Variants in CNGA1 observed in about 807,000 individuals in gnomAD.
The protein encoded by CNGA1 is cyclic nucleotide-gated channel alpha-1.
Under a neutral mutation model 69.7 loss-of-function variants are expected in CNGA1, and 53 were observed. The observed-to-expected ratio is 0.76, with a 90% CI of 0.61 to 0.96. CNGA1 has a LOEUF of 0.96. Ranked by LOEUF, CNGA1 falls within the 40% of genes least tolerant of loss-of-function variation. CNGA1 has a pLI of 0.00. For missense variants in CNGA1, 739 were observed against 811.2 expected, an observed-to-expected ratio of 0.91 and a Z score of 1.08; for synonymous variants, 249 against 283.5, an observed-to-expected ratio of 0.88 and a Z score of 1.22.
intron 2 of CNGA1, among the ~76,000 whole-genome samples, chr4:47,987,987 T>TA (rs1742060688): frequency 6.6e-6 from 1 of 152,082 alleles, no homozygotes; most frequent in Non-Finnish European, 1.5e-5. Flanking sequence ...TCTTAGAAGA[T>TA]AGATCAGGTG....
chr4:48,003,919 A>G (rs754605662), intron 2 of CNGA1, among the ~76,000 whole-genome samples: 1 of 152,142 alleles, frequency 6.6e-6, no homozygotes, highest in Non-Finnish European at 1.5e-5. Flanking sequence ...GGGAGTTTAG[A>G]AAAGACTCTA....
At chr4:48,006,552 A>C (rs1714925876) in intron 2 of CNGA1, among the ~76,000 whole-genome samples, 1 of 152,220 alleles carries the variant, frequency 6.6e-6, no homozygotes, top group Admixed American at 6.5e-5. Context: ...ATACCAAATA[A>C]CCAAATATGT....
chr4:47,965,537 C>G (rs1172113210), intron 3 of CNGA1, among the ~76,000 whole-genome samples: 1 of 151,848 alleles, frequency 6.6e-6, no homozygotes, highest in African/African-American at 2.4e-5. Flanking sequence ...AGTGATTCTC[C>G]TGCCTCAGCC....
At chr4:48,011,686 A>T (rs1715172621) in intron 1 of CNGA1, among the ~76,000 whole-genome samples, 1 of 152,224 alleles carries the variant, frequency 6.6e-6, no homozygotes, top group Non-Finnish European at 1.5e-5. Flanking sequence ...ACATCAATTA[A>T]ATACATTTAA....
chr4:47,999,772 G>A (rs73148002), intron 2 of CNGA1, among the ~76,000 whole-genome samples: 3,713 of 152,250 alleles, frequency 0.024, 141 homozygotes, highest in African/African-American at 0.084. Context: ...CCAGGAGGCT[G>A]AGGTAGGAGA....
At chr4:47,999,755 C>T (rs1490408333) in intron 2 of CNGA1, among the ~76,000 whole-genome samples, 2 of 152,124 alleles carry the variant, frequency 1.3e-5, no homozygotes, top group African/African-American at 4.8e-5. Context: ...CCTGTAGTCC[C>T]GGCTACCCAG....
At chr4:47,943,440 C>CAG in intron 6 of CNGA1, 28 bp from the exon 7 acceptor site, 3 of 1,259,396 alleles carry the variant, frequency 2.4e-6, no homozygotes, top group Non-Finnish European at 2.2e-6. Context: ...ATATCTGTCA[C>CAG]ATAATCACAG....
chr4:47,941,579 G>T (rs373115583), intron 9 of CNGA1, among the ~76,000 whole-genome samples: 2 of 152,170 alleles, frequency 1.3e-5, no homozygotes, highest in African/African-American at 4.8e-5. Context: ...ACAACCAAAA[G>T]TTTAAAAGTC....
intron 2 of CNGA1, among the ~76,000 whole-genome samples, chr4:48,009,898 A>G (rs372428274): frequency 3.9e-4 from 60 of 152,306 alleles, no homozygotes; most frequent in African/African-American, 1.4e-3. Flanking sequence ...AAGCCAATTA[A>G]TTAGAGCTCT....
At chr4:48,005,275 G>A (rs1484065771) in intron 2 of CNGA1, among the ~76,000 whole-genome samples, 4 of 151,868 alleles carry the variant, frequency 2.6e-5, no homozygotes, top group Non-Finnish European at 4.4e-5. Context: ...GTGCCACCAC[G>A]CCTGGCTAAT....
Position 47,937,386 on chromosome 4 carries a change from C to A in CNGA1, c.1096G>T (p.Val366Leu). Residue 366 changes from valine to leucine, a missense_variant, in exon 11 of 11, where the codon GTG becomes TTG. Coordinates refer to ENST00000514170, the MANE Select transcript of CNGA1 (RefSeq NM_001379270.1). ...LTTIGETPPP[V>L]RDSEYVFVVV... is the part of the protein sequence containing the mutation. ...ACAAAGACATACTCAGAATCCCTCA[C>A]GGGAGGGGGTGTTTCACCAATGGTA... 6.2e-7 allele frequency: 1 copy of A among 1,614,070 alleles called. No individual in the cohort carries two copies. Among genetic ancestry groups the A allele is most frequent in the African/African-American group, 1.3e-5 (1 of 75,022 alleles).
In CNGA1 at chr4:47,937,064, AC is replaced by A. The variant is rs1738701040; in HGVS notation, c.1417del (p.Val473TyrfsTer17). The A allele has an allele frequency of 1.9e-6, 3 of 1,614,168 alleles. No homozygotes were observed. Among genetic ancestry groups the A allele is most frequent in the East Asian group, 4.5e-5 (2 of 44,884 alleles). On this transcript the variant is annotated frameshift_variant, in exon 11 of 11. Transcript: ENST00000514170. LOFTEE classifies it high-confidence loss of function. ...INVHLDTLKKVRIFADCEAGL... is the reference protein window; with the variant it reads ...INVHLDTLKKXRIFADCEAGL... ...AGCTTCACAATCAGCAAAAATGCGTACCTTTTTTAATGTGTCTAAGTGAACG... is the reference window on the plus strand; with the variant it reads ...AGCTTCACAATCAGCAAAAATGCGTACTTTTTTAATGTGTCTAAGTGAACG...
At position 47,937,699 on chromosome 4, in the gene CNGA1, C is replaced by T. The variant is rs751530506; in HGVS notation, c.783G>A (p.Trp261Ter). 6.2e-6 allele frequency: 10 copies of T among 1,614,022 alleles called. No homozygotes were observed. Among genetic ancestry groups the T allele is most frequent in the Non-Finnish European group, 7.6e-6 (9 of 1,179,990 alleles). Residue 261 changes from tryptophan (W) to a stop codon, truncating the protein, a stop_gained, in exon 11 of 11, where the codon TGG becomes TGA. Transcript: ENST00000514170. LOFTEE classifies it high-confidence loss of function. ...PTDLLYFKLGWNYPEIRLNRL... is the reference protein window; with the variant it reads ...PTDLLYFKLG Reference sequence around the variant, plus strand: ...TGTTTAATCTAATTTCTGGATAGTTCCACCCTAACTTAAAATACAGCAAAT... The same window carrying T: ...TGTTTAATCTAATTTCTGGATAGTTTCACCCTAACTTAAAATACAGCAAAT...
chr4:47,951,462 A>T lies in CNGA1; in HGVS notation c.115T>A (p.Ser39Thr), dbSNP rs1340398264. The T allele has an allele frequency of 1.2e-6, 2 of 1,606,860 alleles. No homozygotes were observed. The highest frequency in any genetic ancestry group is 2.2e-5 in the South Asian group (2 of 90,996). ...GTAGAGGCACTGTCATCATCCTCAG[A>T]AAAGGAGCTACAGTCCAATAGGAGG... Reference protein sequence around the residue: ...RMENGACSSFSEDDDSASTSE... With the variant: ...RMENGACSSFTEDDDSASTSE... Residue 39 changes from serine (S) to threonine (T), a missense_variant, in exon 5 of 11, where the codon TCT becomes ACT. By Grantham distance (58) the Ser-to-Thr change is moderately conservative. Coordinates refer to ENST00000514170, the MANE Select transcript of CNGA1 (RefSeq NM_001379270.1).
intron 3 of CNGA1, among the ~76,000 whole-genome samples, chr4:47,972,705 G>T (rs1049595266): frequency 1.3e-5 from 2 of 151,946 alleles, no homozygotes; most frequent in African/African-American, 4.8e-5. Flanking sequence ...TTTTGAGTTG[G>T]GTTCTTTAAT....
intron 2 of CNGA1, 106 bp from the exon 3 acceptor site, chr4:47,981,606 A>G (rs935711931): frequency 4.6e-5 from 7 of 152,172 alleles, no homozygotes; most frequent in African/African-American, 1.7e-4. Context: ...AGTTCGTCGC[A>G]TTGTCAAAGT....
At chr4:48,010,602 T>A (rs1435792501) in intron 2 of CNGA1, among the ~76,000 whole-genome samples, 192 bp downstream of exon 2, 1 of 152,146 alleles carries the variant, frequency 6.6e-6, no homozygotes, top group Non-Finnish European at 1.5e-5. Flanking sequence ...AATGGAATCT[T>A]AGGCCATGTG....
chr4:47,949,689 C>A, intron 6 of CNGA1, 144 bp downstream of exon 6: 1 of 650,510 alleles, frequency 1.5e-6, no homozygotes, highest in Non-Finnish European at 2.7e-6. Flanking sequence ...TACTTTTCAA[C>A]AAAATGATAA....
chr4:47,960,725 T>A (rs1740390589), intron 3 of CNGA1, among the ~76,000 whole-genome samples: 1 of 150,628 alleles, frequency 6.6e-6, no homozygotes, highest in Non-Finnish European at 1.5e-5. Flanking sequence ...TAAAAAAAAA[T>A]GAAATACTTT....
Sources: gnomAD v4.1 joint callset for allele counts (sites outside exome capture counted in the v4.1 genomes callset) on GRCh38, gnomAD v4.1.1 for gene constraint, MANE v1.5 for transcripts, NCBI Gene and HGNC (gene_info 2026-07-23, HGNC 2026-07-21) for gene names.